The following SLC9A9 variants were observed in gnomAD, a reference collection of about 807,000 sequenced individuals.
SLC9A9 encodes the protein solute carrier family 9 member A9.
A neutral mutation model predicts 77.8 loss-of-function variants in SLC9A9; 62 were observed. The ratio of observed to expected loss-of-function variants is 0.80; its 90% CI spans 0.65 to 0.98. The LOEUF (loss-of-function observed/expected upper bound fraction) is 0.98, where lower values mean the gene tolerates loss of function less well. Ranked by LOEUF, SLC9A9 falls within the 50% of genes least tolerant of loss-of-function variation. The pLI is 0.00. For synonymous variants in SLC9A9, 320 were observed against 283.5 expected (o/e 1.13, Z -1.29); for missense variants, 775 against 774.9 (o/e 1.00, Z 0.00).
intron 2 of SLC9A9, among the ~76,000 whole-genome samples, chr3:143,820,734 G>C (rs951197805): frequency 2.0e-5 from 3 of 152,082 alleles, no homozygotes; most frequent in Non-Finnish European, 4.4e-5. Context: ...CAGGAGTCAC[G>C]AGCCATGCAT....
At chr3:143,303,149 C>T (rs79522276) in intron 14 of SLC9A9, among the ~76,000 whole-genome samples, 1 of 152,354 alleles carries the variant, frequency 6.6e-6, no homozygotes, top group East Asian at 1.9e-4. Context: ...AGCCTAGTCA[C>T]AGCCTTTGTA....
At chr3:143,714,292 T>C (rs1306679440) in intron 4 of SLC9A9, among the ~76,000 whole-genome samples, 2 of 152,172 alleles carry the variant, frequency 1.3e-5, no homozygotes, top group African/African-American at 4.8e-5. Context: ...CAAAGGCTCT[T>C]ATCCAGAACC....
At chr3:143,716,191 C>T (rs1389518804) in intron 4 of SLC9A9, among the ~76,000 whole-genome samples, 1 of 152,158 alleles carries the variant, frequency 6.6e-6, no homozygotes, top group Non-Finnish European at 1.5e-5. Context: ...CCTCCTGCCT[C>T]AGCCTCCTGA....
chr3:143,616,833 A>G (rs958102084), intron 6 of SLC9A9, among the ~76,000 whole-genome samples: 2 of 152,188 alleles, frequency 1.3e-5, no homozygotes, highest in African/African-American at 4.8e-5. Context: ...GACATTGTTA[A>G]ATTAGATGTC....
intron 14 of SLC9A9, among the ~76,000 whole-genome samples, chr3:143,281,083 TA>T (rs1938203494): frequency 6.6e-6 from 1 of 152,190 alleles, no homozygotes; most frequent in African/African-American, 2.4e-5. Context: ...GCCAATGTGC[TA>T]TGGTTATAAA....
intron 14 of SLC9A9, among the ~76,000 whole-genome samples, chr3:143,317,226 A>G (rs988647987): frequency 6.6e-6 from 1 of 152,146 alleles, no homozygotes; most frequent in Non-Finnish European, 1.5e-5. Context: ...AGAACTTGCC[A>G]GCTCCCTCTG....
chr3:143,837,766 T>G (rs967106855), intron 1 of SLC9A9, among the ~76,000 whole-genome samples: 2 of 151,964 alleles, frequency 1.3e-5, no homozygotes, highest in East Asian at 3.9e-4. Context: ...CAATAAGAAG[T>G]GAAGGGAATT....
intron 2 of SLC9A9, among the ~76,000 whole-genome samples, chr3:143,805,056 G>A (rs2008673648): frequency 6.6e-6 from 1 of 152,142 alleles, no homozygotes. Flanking sequence ...CAAGGACAGA[G>A]CCCAAAAACT....
intron 4 of SLC9A9, among the ~76,000 whole-genome samples, chr3:143,697,172 A>G (rs1190523552): frequency 6.6e-6 from 1 of 151,814 alleles, no homozygotes; most frequent in Non-Finnish European, 1.5e-5. Flanking sequence ...AACACAAATT[A>G]TAAAGTGATA....
chr3:143,826,245 C>A (rs2009293904), intron 2 of SLC9A9, among the ~76,000 whole-genome samples: 3 of 145,594 alleles, frequency 2.1e-5, no homozygotes, highest in Non-Finnish European at 4.4e-5. Context: ...GGCGACAGAG[C>A]AAGACTCTGT....
In SLC9A9 at chr3:143,691,620, C is replaced by T. The variant is rs114090941; in HGVS notation, c.649+1572G>A. On this transcript the variant is annotated intron_variant, in intron 5 of 15. Transcript: ENST00000316549. Reference sequence around the variant, plus strand: ...CCCCTATCCTGGCTATTACGAGTGACCACTGCTTCTTTACCAATTGTAGCT... The same window carrying T: ...CCCCTATCCTGGCTATTACGAGTGATCACTGCTTCTTTACCAATTGTAGCT... Among the ~76,000 whole-genome samples the T allele has an allele frequency of 4.0e-3, 602 of 152,138 alleles. 6 individuals carry two copies. Among genetic ancestry groups the T allele is most frequent in the African/African-American group, 0.013 (559 of 41,518 alleles).
rs141627710 is a variant in SLC9A9 at position 143,709,787 on chromosome 3, A to C, written c.534-16480T>G. 2.0e-5 allele frequency among the ~76,000 whole-genome samples: 3 copies of C among 152,308 alleles called. No individual in the cohort carries two copies. In the East Asian group the frequency reaches 5.8e-4, roughly 29 times the overall value. ...CAATTTGAAGCTCCTCATAGTAGGA[A>C]ATGAAAAAACGAGTGGGAGAGGGGG... On this transcript the variant is annotated intron_variant, in intron 4 of 15. Coordinates refer to ENST00000316549, the MANE Select transcript of SLC9A9 (RefSeq NM_173653.4).
chr3:143,786,676 T>A (rs1246410459), intron 4 of SLC9A9, among the ~76,000 whole-genome samples: 1 of 152,140 alleles, frequency 6.6e-6, no homozygotes, highest in African/African-American at 2.4e-5. Flanking sequence ...GGGTTGTACT[T>A]GACAGATTAG....
chr3:143,369,683 A>G (rs2032998916), intron 13 of SLC9A9, among the ~76,000 whole-genome samples: 1 of 152,230 alleles, frequency 6.6e-6, no homozygotes, highest in Non-Finnish European at 1.5e-5. Context: ...AGGAAAAAAA[A>G]GATGGGGCCT....
At chr3:143,365,395 T>A (rs1446991970) in intron 13 of SLC9A9, among the ~76,000 whole-genome samples, 1 of 152,140 alleles carries the variant, frequency 6.6e-6, no homozygotes, top group East Asian at 1.9e-4. Context: ...ATAACAAACC[T>A]GCACATGTAT....
rs536224079 is a variant in SLC9A9 at position 143,362,318 on chromosome 3, A to G, written c.1604+1166T>C. 9.8e-5 allele frequency among the ~76,000 whole-genome samples: 15 copies of G among 152,312 alleles called. No individual in the cohort carries two copies. The South Asian group carries it at 3.1e-3, about 32-fold the overall frequency. ...AAAACTCTAACCTCAAAAACCCTCT[A>G]TCTTCCACATCACCATTTCATAATT... On this transcript the variant is annotated intron_variant, in intron 14 of 15. Transcript: ENST00000316549.
At chr3:143,383,582 G>A (rs2033352461) in intron 12 of SLC9A9, among the ~76,000 whole-genome samples, 2 of 152,124 alleles carry the variant, frequency 1.3e-5, no homozygotes, top group Non-Finnish European at 1.5e-5. Flanking sequence ...ACAGTACTGG[G>A]GATCTTCCCA....
intron 3 of SLC9A9, among the ~76,000 whole-genome samples, 171 bp from the exon 4 acceptor site, chr3:143,795,248 T>C (rs898485709): frequency 6.9e-6 from 1 of 144,882 alleles, no homozygotes; most frequent in Non-Finnish European, 1.5e-5. Flanking sequence ...CTGATTATCA[T>C]TGCAAAGGAC....
At chr3:143,288,335 G>A (rs570703486) in intron 14 of SLC9A9, among the ~76,000 whole-genome samples, 1 of 152,052 alleles carries the variant, frequency 6.6e-6, no homozygotes, top group Admixed American at 6.5e-5. Flanking sequence ...TCTTGGGACT[G>A]CTAAGTATAA....
Sources: allele counts gnomAD v4.1 joint callset (sites outside exome capture counted in the v4.1 genomes callset), GRCh38; gene constraint gnomAD v4.1.1; transcripts MANE v1.5; gene names NCBI Gene and HGNC (gene_info 2026-07-23, HGNC 2026-07-21).